Variants in EPN2 observed in about 807,000 individuals in gnomAD.
EPN2 encodes epsin-2.
EPN2 carries 34 observed loss-of-function variants against 61.7 expected under a neutral mutation model. The observed-to-expected ratio is 0.55, with a 90% CI of 0.42 to 0.73. EPN2 has a LOEUF of 0.73. Ranked by LOEUF, EPN2 falls within the 30% of genes least tolerant of loss-of-function variation. The probability of loss-of-function intolerance (pLI) is 0.00; values close to 1 mark genes in which losing one functional copy is unlikely to be tolerated. For synonymous variants in EPN2, 349 were observed against 353.6 expected (o/e 0.99, Z 0.15); for missense variants, 714 against 839.2 (o/e 0.85, Z 1.84).
intron 4 of EPN2, among the ~76,000 whole-genome samples, chr17:19,288,372 A>G (rs944769524): frequency 6.6e-6 from 1 of 152,222 alleles, no homozygotes; most frequent in Non-Finnish European, 1.5e-5. Context: ...AAAACACAAT[A>G]TAAATTATTC....
intron 1 of EPN2, among the ~76,000 whole-genome samples, chr17:19,258,397 T>C (rs1220900446): frequency 6.6e-6 from 1 of 152,150 alleles, no homozygotes; most frequent in Admixed American, 6.5e-5. Flanking sequence ...GATTCTGTCT[T>C]TTAAGACTCT....
At chr17:19,238,465 G>A (rs1453060181) in intron 1 of EPN2, among the ~76,000 whole-genome samples, 4 of 152,222 alleles carry the variant, frequency 2.6e-5, no homozygotes, top group South Asian at 4.1e-4. Context: ...CTTGTGGAAG[G>A]CCGTTTCTCC....
At chr17:19,330,960 C>T (rs975330768) in intron 9 of EPN2, among the ~76,000 whole-genome samples, 1 of 152,160 alleles carries the variant, frequency 6.6e-6, no homozygotes, top group Non-Finnish European at 1.5e-5. Context: ...CTTGATCGAT[C>T]GCCCAGGCTG....
At chr17:19,268,783 G>T (rs1430200184) in intron 1 of EPN2, among the ~76,000 whole-genome samples, 1 of 152,148 alleles carries the variant, frequency 6.6e-6, no homozygotes, top group Admixed American at 6.5e-5. Flanking sequence ...TGATCACATG[G>T]TACACAGCGG....
At chr17:19,289,724 G>GTTTTTTTTTTTTTTT (rs58087532) in intron 4 of EPN2, among the ~76,000 whole-genome samples, 998 of 77,996 alleles carry the variant, frequency 0.013, 182 homozygotes, top group East Asian at 0.13. Context: ...GGCGCTCATG[G>GTTTTTTTTTTTTTTT]TTTTTTTTTT....
intron 7 of EPN2, among the ~76,000 whole-genome samples, chr17:19,316,820 A>G (rs1381504424): frequency 6.6e-6 from 1 of 152,216 alleles, no homozygotes; most frequent in Non-Finnish European, 1.5e-5. Flanking sequence ...TGCTTTCAAT[A>G]GAAAAATACA....
At position 19,285,571 on chromosome 17, in the gene EPN2, C is replaced by T; in HGVS notation, c.596-49C>T. The T allele has an allele frequency of 6.9e-7, 1 of 1,453,598 alleles. No individual in the cohort carries two copies. Among genetic ancestry groups the T allele is most frequent in the Non-Finnish European group, 9.1e-7 (1 of 1,097,222 alleles). The allele number at this position is 1,453,598 out of a possible 1,614,324, so 90.0% of individuals were successfully genotyped here. A position where few individuals can be genotyped will look rare whatever the true frequency, so the allele number is the denominator to read the frequency against. ...CCTCCTGCAGGGGCTGCTGCGCACCCTCTAATGGCGTGTCTCTCTGTGTGT... is the reference window on the plus strand; with the variant it reads ...CCTCCTGCAGGGGCTGCTGCGCACCTTCTAATGGCGTGTCTCTCTGTGTGT... On this transcript the variant is annotated intron_variant, in intron 3 of 10. Coordinates refer to ENST00000314728, the MANE Select transcript of EPN2 (RefSeq NM_014964.5). The surrounding 1 kb of genome is among the most constrained non-coding windows in gnomAD (Gnocchi z 4.5).
chr17:19,322,878 G>A (rs1211438490), intron 7 of EPN2, among the ~76,000 whole-genome samples: 1 of 150,330 alleles, frequency 6.7e-6, no homozygotes, highest in Non-Finnish European at 1.5e-5. Flanking sequence ...TGAAAGCCAA[G>A]GAGTCTCCTC....
intron 1 of EPN2, among the ~76,000 whole-genome samples, chr17:19,280,163 T>C (rs1291152240): frequency 6.0e-5 from 9 of 151,108 alleles, no homozygotes; most frequent in Non-Finnish European, 1.2e-4. Context: ...TGGTGAATCC[T>C]AGCTCTGCCC....
intron 10 of EPN2, among the ~76,000 whole-genome samples, chr17:19,332,457 T>C (rs1373867018): frequency 6.6e-6 from 1 of 152,112 alleles, no homozygotes; most frequent in African/African-American, 2.4e-5. Context: ...AAAATGTAAC[T>C]TAGCCCTTGG....
intron 4 of EPN2, chr17:19,297,457 T>G (rs2045531351): frequency 6.6e-6 from 1 of 152,242 alleles, no homozygotes; most frequent in Non-Finnish European, 1.5e-5. Flanking sequence ...TTGGTTCATG[T>G]GCTCACTTTC....
chr17:19,293,534 C>CTTTTTTTTTTTTTTTT (rs71155390), intron 4 of EPN2, among the ~76,000 whole-genome samples: 31 of 52,424 alleles, frequency 5.9e-4, no homozygotes, highest in South Asian at 1.5e-3. Context: ...CCATACCCAG[C>CTTTTTTTTTTTTTTTT]TTTTTTTTTT....
chr17:19,267,832 C>T (rs7209644), intron 1 of EPN2, among the ~76,000 whole-genome samples: 9,532 of 152,212 alleles, frequency 0.063, 1,009 homozygotes, highest in African/African-American at 0.22. Flanking sequence ...GGAGCCACCG[C>T]GTCCGGCCAA....
intron 7 of EPN2, among the ~76,000 whole-genome samples, chr17:19,313,920 G>A (rs2152233090): frequency 6.6e-6 from 1 of 152,300 alleles, no homozygotes; most frequent in East Asian, 1.9e-4. Context: ...GGCCCAGCAG[G>A]CTTTATGAAG....
chr17:19,335,810 CCT>C lies in EPN2; in HGVS notation c.*1558_*1559del. 4.9e-6 allele frequency: 1 copy of C among 203,728 alleles called. No homozygotes were observed. The highest frequency in any genetic ancestry group is 9.8e-6 in the Non-Finnish European group (1 of 101,930). 12.6% of individuals were successfully genotyped at this position (203,728 alleles called of 1,614,324 possible). A position where few individuals can be genotyped will look rare whatever the true frequency, so the allele number is the denominator to read the frequency against. On this transcript the variant is annotated 3_prime_UTR_variant, in exon 11 of 11. Transcript: ENST00000314728. ...CTCTTCCAAACTCCTACTGTCCTCA[CCT>C]CACCCACCACTGTAAAAGTATTACG...
intron 1 of EPN2, among the ~76,000 whole-genome samples, chr17:19,280,260 A>G (rs563298756): frequency 1.3e-5 from 2 of 152,340 alleles, no homozygotes; most frequent in South Asian, 2.1e-4. Context: ...GGCACATTGT[A>G]AGGCTCCTGA....
At chr17:19,262,217 G>A (rs904542897) in intron 1 of EPN2, among the ~76,000 whole-genome samples, 1 of 151,132 alleles carries the variant, frequency 6.6e-6, no homozygotes, top group Non-Finnish European at 1.5e-5. Flanking sequence ...AGTGGCTCAT[G>A]CCTGCAATCC....
intron 1 of EPN2, among the ~76,000 whole-genome samples, chr17:19,263,703 C>T (rs952737886): frequency 1.3e-5 from 2 of 152,202 alleles, no homozygotes; most frequent in Non-Finnish European, 2.9e-5. Flanking sequence ...GTGCCTGGCA[C>T]ATGGTAGGCA....
Position 19,333,941 on chromosome 17 carries a change from C to G in EPN2, c.1628-15C>G, listed in dbSNP as rs1907278762. On this transcript the variant is annotated splice_polypyrimidine_tract_variant and intron_variant, in intron 10 of 10. Transcript: ENST00000314728. The stretch of plus-strand genomic sequence containing the variant: ...CCTGACGGCTCAGCCTCTGCCCCTC[C>G]TTCTGTCTCCCCAGGTGCTCCCGCC... 1 of 1,517,450 alleles carries G rather than the reference C, an allele frequency of 6.6e-7. No individual in the cohort carries two copies. The highest frequency in any genetic ancestry group is 8.9e-7 in the Non-Finnish European group (1 of 1,128,860). The allele number at this position is 1,517,450 out of a possible 1,614,324, so 94.0% of individuals were successfully genotyped here. A position where few individuals can be genotyped will look rare whatever the true frequency, so the allele number is the denominator to read the frequency against.
Sources: gnomAD v4.1 joint callset for allele counts (sites outside exome capture counted in the v4.1 genomes callset) on GRCh38, gnomAD v4.1.1 for gene constraint, Gnocchi (gnomAD v3.1) non-coding constraint, MANE v1.5 for transcripts, NCBI Gene and HGNC (gene_info 2026-07-23, HGNC 2026-07-21) for gene names.